The following MAPK10 variants were observed in gnomAD, a reference collection of about 807,000 sequenced individuals.
MAPK10 encodes the protein mitogen-activated protein kinase 10, also known as JNK3 alpha protein kinase.
In MAPK10, 25 loss-of-function variants were observed where a neutral mutation model predicts 59.3. The observed-to-expected ratio is 0.42, with a 90% CI of 0.31 to 0.59. The LOEUF (loss-of-function observed/expected upper bound fraction) is 0.59, where lower values mean the gene tolerates loss of function less well. Among genes scored for constraint, MAPK10 ranks in the 20% least tolerant of loss-of-function variants. The probability of loss-of-function intolerance (pLI) is 0.15; values close to 1 mark genes in which losing one functional copy is unlikely to be tolerated. For synonymous variants in MAPK10, 190 were observed against 200.5 expected (o/e 0.95, Z 0.44); for missense variants, 351 against 568.9 (o/e 0.62, Z 3.90).
In MAPK10 at chr4:86,055,236, A is replaced by C. The variant is rs183723220; in HGVS notation, c.1110+9030T>G. ...AAATAAAATCACTAACATGCTAAAC[A>C]TTACAGATACTTGAAATTATTCACA... On this transcript the variant is annotated intron_variant, in intron 11 of 13. Coordinates refer to ENST00000641462, the MANE Select transcript of MAPK10 (RefSeq NM_138982.4). Among the ~76,000 whole-genome samples, 191 of 132,492 alleles carry C rather than the reference A, an allele frequency of 1.4e-3. 11 individuals carry two copies. Among genetic ancestry groups the C allele is most frequent in the Non-Finnish European group, 2.6e-3 (157 of 60,580 alleles). 86.9% of individuals were successfully genotyped at this position (132,492 alleles called of 152,430 possible).
At chr4:86,548,164 A>C (rs1467952375) in intron 1 of MAPK10, among the ~76,000 whole-genome samples, 1 of 151,762 alleles carries the variant, frequency 6.6e-6, no homozygotes, top group Admixed American at 6.6e-5. Context: ...CTGCAGCTTC[A>C]CTCCTGAAGC....
At chr4:86,189,532 T>G (rs1007199719) in intron 3 of MAPK10, among the ~76,000 whole-genome samples, 5 of 152,194 alleles carry the variant, frequency 3.3e-5, no homozygotes, top group African/African-American at 1.2e-4. Context: ...AGTTCACTCA[T>G]GATTTGGCTC....
intron 2 of MAPK10, among the ~76,000 whole-genome samples, chr4:86,285,469 C>T (rs2094968409): frequency 6.6e-6 from 1 of 152,214 alleles, no homozygotes; most frequent in South Asian, 2.1e-4. Flanking sequence ...CCCGCCTCGA[C>T]CTCCCAAAGT....
chr4:86,190,381 T>C, intron 3 of MAPK10, among the ~76,000 whole-genome samples: 1 of 152,130 alleles, frequency 6.6e-6, no homozygotes, highest in Non-Finnish European at 1.5e-5. Flanking sequence ...GTCCTGGGCT[T>C]TTTTTGGTTG....
intron 1 of MAPK10, among the ~76,000 whole-genome samples, chr4:86,556,374 T>A (rs1760267191): frequency 6.6e-6 from 1 of 152,212 alleles, no homozygotes; most frequent in African/African-American, 2.4e-5. Flanking sequence ...TTAAATGAAA[T>A]GCTTTATTTT....
At chr4:86,254,816 C>T (rs1366189431) in intron 2 of MAPK10, among the ~76,000 whole-genome samples, 1 of 151,572 alleles carries the variant, frequency 6.6e-6, no homozygotes, top group Admixed American at 6.6e-5. Flanking sequence ...GTCTAAGTCT[C>T]TTTGTAGGTC....
intron 2 of MAPK10, among the ~76,000 whole-genome samples, chr4:86,317,572 T>A (rs181709510): frequency 6.6e-6 from 1 of 152,320 alleles, no homozygotes; most frequent in East Asian, 1.9e-4. Flanking sequence ...GAGTTCAAAC[T>A]CTGTCTTTTC....
chr4:86,300,144 C>T (rs1406298846), intron 2 of MAPK10, among the ~76,000 whole-genome samples: 2 of 152,134 alleles, frequency 1.3e-5, no homozygotes, highest in African/African-American at 4.8e-5. Flanking sequence ...CTGCCCACCT[C>T]GGCCTCCAAA....
chr4:86,474,458 A>T (rs1752905190), intron 1 of MAPK10, among the ~76,000 whole-genome samples: 1 of 152,256 alleles, frequency 6.6e-6, no homozygotes, highest in Non-Finnish European at 1.5e-5. Context: ...TACTATTAAC[A>T]CAGACTTATC....
At chr4:86,479,474 C>CA (rs35632643) in intron 1 of MAPK10, among the ~76,000 whole-genome samples, 16,569 of 138,328 alleles carry the variant, frequency 0.12, 1,582 homozygotes, top group African/African-American at 0.27. Context: ...CACCCCCCAC[C>CA]AAAAAAAAAA....
intron 2 of MAPK10, among the ~76,000 whole-genome samples, chr4:86,218,511 A>T (rs1346234584): frequency 7.0e-6 from 1 of 143,356 alleles, no homozygotes; most frequent in Admixed American, 7.2e-5. Flanking sequence ...TTTTGTAAGG[A>T]TGGCCTTTCA....
chr4:86,547,523 A>G (rs1345834775), intron 1 of MAPK10, among the ~76,000 whole-genome samples: 5 of 152,170 alleles, frequency 3.3e-5, no homozygotes, highest in Non-Finnish European at 7.4e-5. Flanking sequence ...GCAGCCCGCC[A>G]TGCCTGAGCC....
At chr4:86,422,711 A>C (rs927415509) in intron 1 of MAPK10, among the ~76,000 whole-genome samples, 1 of 152,224 alleles carries the variant, frequency 6.6e-6, no homozygotes, top group Admixed American at 6.5e-5. Context: ...GTTTCAAAAC[A>C]GACCGGCAGG....
chr4:86,588,395 G>C (rs980320482), intron 1 of MAPK10, among the ~76,000 whole-genome samples: 4 of 151,848 alleles, frequency 2.6e-5, no homozygotes, highest in African/African-American at 4.8e-5. Flanking sequence ...AATGTTTTCC[G>C]TAATTATAAT....
At chr4:86,515,514 T>A (rs1756583249) in intron 1 of MAPK10, among the ~76,000 whole-genome samples, 1 of 152,234 alleles carries the variant, frequency 6.6e-6, no homozygotes, top group South Asian at 2.1e-4. Flanking sequence ...TTTGATTTTT[T>A]AATTATGGCC....
At chr4:86,179,171 C>A (rs2076346101) in intron 3 of MAPK10, among the ~76,000 whole-genome samples, 1 of 151,920 alleles carries the variant, frequency 6.6e-6, no homozygotes, top group South Asian at 2.1e-4. Context: ...CACTGCACTC[C>A]AGCCTGGGTG....
intron 2 of MAPK10, among the ~76,000 whole-genome samples, chr4:86,350,512 C>T (rs568448716): frequency 1.2e-4 from 19 of 152,126 alleles, no homozygotes; most frequent in African/African-American, 4.1e-4. Flanking sequence ...CCACGTCTGG[C>T]CAATTTTTGT....
At chr4:86,529,172 GC>G (rs1330276979) in intron 1 of MAPK10, among the ~76,000 whole-genome samples, 2 of 152,184 alleles carry the variant, frequency 1.3e-5, no homozygotes, top group Non-Finnish European at 2.9e-5. Context: ...TTGTCTCCGG[GC>G]TCGATGAGGA....
intron 4 of MAPK10, among the ~76,000 whole-genome samples, chr4:86,142,092 G>C (rs2063761414): frequency 6.6e-6 from 1 of 152,076 alleles, no homozygotes; most frequent in Admixed American, 6.6e-5. Context: ...TGTAAGAACT[G>C]CACCAAGAAG....
Sources: allele counts gnomAD v4.1 joint callset (sites outside exome capture counted in the v4.1 genomes callset), GRCh38; gene constraint gnomAD v4.1.1; transcripts MANE v1.5; gene names NCBI Gene and HGNC (gene_info 2026-07-23, HGNC 2026-07-21).